Variants in PHTF2 observed in about 807,000 individuals in gnomAD.
The protein encoded by PHTF2 is putative homeodomain transcription factor 2.
PHTF2 carries 60 observed loss-of-function variants against 101.2 expected under a neutral mutation model. The ratio of observed to expected loss-of-function variants is 0.59; its 90% confidence interval spans 0.48 to 0.73. PHTF2 has a LOEUF of 0.73. Among genes scored for constraint, PHTF2 ranks in the 30% least tolerant of loss-of-function variants. PHTF2 has a pLI of 0.00. For missense variants in PHTF2, 747 were observed against 908.7 expected (o/e 0.82, Z 2.29); for synonymous variants, 311 against 307.3 (o/e 1.01, Z -0.13).
At chr7:77,923,710 T>C in intron 11 of PHTF2, 2 of 985,348 alleles carry the variant, frequency 2.0e-6, no homozygotes, top group Non-Finnish European at 2.4e-6. Flanking sequence ...GCTTGTAAAA[T>C]TTTGTCTTAC....
intron 6 of PHTF2, among the ~76,000 whole-genome samples, chr7:77,901,332 A>G (rs541028373): frequency 6.6e-6 from 1 of 152,338 alleles, no homozygotes; most frequent in African/African-American, 2.4e-5. Context: ...TATTAAAAAG[A>G]GAGAATGGGA....
chr7:77,928,297 TACATTGC>T (rs1416296162), intron 11 of PHTF2, among the ~76,000 whole-genome samples: 1 of 152,220 alleles, frequency 6.6e-6, no homozygotes. Flanking sequence ...CTTTATTTTG[TACATTGC>T]AAACTCCCAG....
intron 12 of PHTF2, among the ~76,000 whole-genome samples, chr7:77,933,734 A>C (rs1401779829): frequency 1.5e-5 from 2 of 133,850 alleles, no homozygotes; most frequent in Non-Finnish European, 3.1e-5. Context: ...TTTTTTGCTC[A>C]GTGTTGTATC....
rs1404448902 is a variant in PHTF2 at position 77,851,640 on chromosome 7, GCAGGCTGGTCTTGAACTA to G, written c.46-3091_46-3074del. On this transcript the variant is annotated intron_variant, in intron 2 of 19. Transcript: ENST00000416283. ...TTGGAGACAGATCTCACTGTGTTAT[GCAGGCTGGTCTTGAACTA>G]CTGAGCTCAAGTGATCTGGCTGCCT... Among the ~76,000 whole-genome samples the G allele has an allele frequency of 6.6e-5, 9 of 137,074 alleles. No individual in the cohort carries two copies. In the East Asian group the frequency reaches 2.0e-3, roughly 30 times the overall value. The allele number at this position is 137,074 out of a possible 152,430, so 89.9% of individuals were successfully genotyped here.
At chr7:77,878,129 G>T (rs529111026) in intron 3 of PHTF2, among the ~76,000 whole-genome samples, 3 of 152,242 alleles carry the variant, frequency 2.0e-5, no homozygotes, top group Non-Finnish European at 4.4e-5. Flanking sequence ...TTGAAAAATC[G>T]CAGGGCCAGG....
chr7:77,869,871 G>A (rs1798379603), intron 3 of PHTF2, among the ~76,000 whole-genome samples: 1 of 152,046 alleles, frequency 6.6e-6, no homozygotes, highest in Non-Finnish European at 1.5e-5. Context: ...ATACCTGTTG[G>A]CCACTTGGTT....
intron 3 of PHTF2, among the ~76,000 whole-genome samples, chr7:77,869,793 T>C (rs763316216): frequency 3.3e-5 from 5 of 152,220 alleles, no homozygotes; most frequent in Non-Finnish European, 5.9e-5. Context: ...GGTTTTGATT[T>C]GTATTTCCCC....
intron 3 of PHTF2, among the ~76,000 whole-genome samples, chr7:77,861,353 C>T (rs1024921277): frequency 1.8e-4 from 27 of 152,020 alleles, no homozygotes; most frequent in Admixed American, 1.4e-3. Context: ...TTATATCTTA[C>T]ACTTAATTCT....
chr7:77,830,500 T>G (rs1794999086), intron 1 of PHTF2, among the ~76,000 whole-genome samples: 1 of 152,210 alleles, frequency 6.6e-6, no homozygotes, highest in South Asian at 2.1e-4. Flanking sequence ...CTCTGCCTCC[T>G]GTCAGATCAG....
At chr7:77,922,527 T>C in intron 10 of PHTF2, 96 bp from the exon 10 acceptor site, 1 of 811,256 alleles carries the variant, frequency 1.2e-6, no homozygotes, top group East Asian at 2.8e-5. Flanking sequence ...TGAAGTTGTG[T>C]GTATATATGT....
chr7:77,827,365 T>G (rs1794760459), intron 1 of PHTF2, among the ~76,000 whole-genome samples: 1 of 152,180 alleles, frequency 6.6e-6, no homozygotes, highest in African/African-American at 2.4e-5. Context: ...TATTTATTTA[T>G]TCTTTTTGAG....
chr7:77,927,138 A>G (rs989355268), intron 11 of PHTF2, among the ~76,000 whole-genome samples: 6 of 123,482 alleles, frequency 4.9e-5, no homozygotes, highest in African/African-American at 1.8e-4. Context: ...AGCCTGGGTG[A>G]CAGAGTGAGA....
rs1401257943 is a variant in PHTF2, at chr7:77,921,954, TATA to T, written c.964-665_964-663del. On this transcript the variant is annotated intron_variant, in intron 10 of 19. Coordinates refer to ENST00000416283, the Ensembl canonical transcript of PHTF2. ...TGGCTTTTTCAGTTTGAAAAAATAGTATAATATGTTCTTTCACCTTCTTTTAAG... is the reference window on the plus strand; with the variant it reads ...TGGCTTTTTCAGTTTGAAAAAATAGTATATGTTCTTTCACCTTCTTTTAAG... Among the ~76,000 whole-genome samples the T allele has an allele frequency of 5.9e-5, 9 of 152,032 alleles. No individual in the cohort carries two copies. In the East Asian group the frequency reaches 1.5e-3, roughly 26 times the overall value.
At position 77,830,878 on chromosome 7, in the gene PHTF2, A is replaced by G. The variant is rs1022371072; in HGVS notation, c.-35-9343A>G. 3.3e-5 allele frequency among the ~76,000 whole-genome samples: 5 copies of G among 152,200 alleles called. No individual in the cohort carries two copies. The East Asian group carries it at 9.6e-4, about 29-fold the overall frequency. On this transcript the variant is annotated intron_variant, in intron 1 of 19. Coordinates refer to ENST00000416283, the Ensembl canonical transcript of PHTF2. Reference sequence around the variant, plus strand: ...TTATCCGTCCACATTTCTTTGTCACACTGGGCACTTACCTCAGTCACAGAT... The same window carrying G: ...TTATCCGTCCACATTTCTTTGTCACGCTGGGCACTTACCTCAGTCACAGAT...
chr7:77,834,776 T>A (rs1795325049), intron 1 of PHTF2, among the ~76,000 whole-genome samples: 1 of 152,190 alleles, frequency 6.6e-6, no homozygotes, highest in Non-Finnish European at 1.5e-5. Context: ...GCTTTTTATC[T>A]GCTGTACTTC....
intron 1 of PHTF2, among the ~76,000 whole-genome samples, chr7:77,799,449 C>T (rs1397106399): frequency 6.6e-6 from 1 of 152,140 alleles, no homozygotes; most frequent in Non-Finnish European, 1.5e-5. Flanking sequence ...GGCGGCGGCT[C>T]GCGCGCTGGA....
At chr7:77,893,659 A>G in exon 4 of PHTF2, 4 of 1,341,412 alleles carry the variant, frequency 3.0e-6, no homozygotes, top group Non-Finnish European at 2.1e-6. Context: ...ACAGAGAGAA[A>G]TCAAGGTAAG....
exon 8 of PHTF2, chr7:77,908,866 A>G (rs1802101721): frequency 6.2e-7 from 1 of 1,612,984 alleles, no homozygotes. Flanking sequence ...TTGGGCCGAT[A>G]TGGCTGATGC....
chr7:77,882,288 C>T (rs563250658), intron 3 of PHTF2, among the ~76,000 whole-genome samples: 14 of 151,542 alleles, frequency 9.2e-5, no homozygotes, highest in Non-Finnish European at 1.8e-4. Context: ...ATAAATTGAC[C>T]GAATTCTAGA....
Sources: allele counts gnomAD v4.1 joint callset (sites outside exome capture counted in the v4.1 genomes callset), GRCh38; gene constraint gnomAD v4.1.1; transcripts MANE v1.5; gene names NCBI Gene and HGNC (gene_info 2026-07-23, HGNC 2026-07-21).